The following ZSCAN5A variants were observed in gnomAD, a reference collection of about 807,000 sequenced individuals.
ZSCAN5A encodes the protein zinc finger and SCAN domain-containing protein 5A.
Under a neutral mutation model 23.7 loss-of-function variants are expected in ZSCAN5A, and 12 were observed. The ratio of observed to expected loss-of-function variants is 0.51; its 90% confidence interval spans 0.32 to 0.82. The LOEUF is 0.82. Ranked by LOEUF, ZSCAN5A falls within the 40% of genes least tolerant of loss-of-function variation. The pLI is 0.03. For missense variants in ZSCAN5A, 597 were observed against 617.9 expected (o/e 0.97, Z 0.36); for synonymous variants, 257 against 239.9 (o/e 1.07, Z -0.66).
intron 2 of ZSCAN5A, among the ~76,000 whole-genome samples, chr19:56,358,944 C>T (rs761731271): frequency 3.9e-5 from 6 of 152,128 alleles, no homozygotes; most frequent in Non-Finnish European, 8.8e-5. Flanking sequence ...GGGAAATTTA[C>T]AGCACTAAAT....
chr19:56,277,398 T>A (rs185949290), intron 2 of ZSCAN5A, among the ~76,000 whole-genome samples: 4 of 152,314 alleles, frequency 2.6e-5, no homozygotes, highest in Admixed American at 2.6e-4. Context: ...TGTGTGAGCC[T>A]TGAAAACATT....
intron 2 of ZSCAN5A, among the ~76,000 whole-genome samples, chr19:56,253,644 T>C (rs1428511568): frequency 6.6e-6 from 1 of 152,100 alleles, no homozygotes; most frequent in Non-Finnish European, 1.5e-5. Context: ...GTGAACAGTT[T>C]TGAACGTTGG....
Position 56,266,493 on chromosome 19 carries a change from C to CCTTTTTTTTTTTTTTTTTTTTTTT in ZSCAN5A, c.-127-41321_-127-41320insAAAAAAAAAAAAAAAAAAAAAAAG, listed in dbSNP as rs371491455. 3 of 58,002 alleles carry CCTTTTTTTTTTTTTTTTTTTTTTT rather than the reference C, an allele frequency of 5.2e-5. 1 individual carries two copies. The highest frequency in any genetic ancestry group is 1.3e-4 in the African/African-American group (2 of 15,064). The allele number at this position is 58,002 out of a possible 1,614,324, so 3.6% of individuals were successfully genotyped here. ...GCTTTCTGCTTGGGAGATGCCCCCA[C>CCTTTTTTTTTTTTTTTTTTTTTTT]TTTTTTTTTTTTTTTTTTTTTTGAG... On this transcript the variant is annotated intron_variant, in intron 2 of 5. Transcript: ENST00000683990.
At chr19:56,334,937 G>A (rs1392854685) in intron 2 of ZSCAN5A, among the ~76,000 whole-genome samples, 1 of 152,152 alleles carries the variant, frequency 6.6e-6, no homozygotes, top group African/African-American at 2.4e-5. Context: ...GTTTGAAACT[G>A]GGCTGAGATG....
rs773994248 is a variant in ZSCAN5A at position 56,360,496 on chromosome 19, C to T, written c.-358+2739G>A. On this transcript the variant is annotated intron_variant, in intron 2 of 6. Transcript: ENST00000587340. ...AGTCAATATCATGAAAACAGCCATA[C>T]TGCCCAAAGCAGTTTATAGCTTTAA... Among the ~76,000 whole-genome samples the T allele has an allele frequency of 5.3e-5, 8 of 152,200 alleles. No individual in the cohort carries two copies. The South Asian group carries it at 6.2e-4, about 12-fold the overall frequency.
At chr19:56,257,629 G>A (rs536941612) in intron 2 of ZSCAN5A, among the ~76,000 whole-genome samples, 72 of 139,434 alleles carry the variant, frequency 5.2e-4, no homozygotes, top group Non-Finnish European at 8.5e-4. Flanking sequence ...CACAGGCGCT[G>A]GGGGACTCTG....
chr19:56,293,531 T>C (rs1034815070), intron 2 of ZSCAN5A, among the ~76,000 whole-genome samples: 1 of 152,196 alleles, frequency 6.6e-6, no homozygotes, highest in African/African-American at 2.4e-5. Context: ...GTGTGCACTG[T>C]GGGCGCCGGT....
At chr19:56,321,952 T>C in intron 2 of ZSCAN5A, 1 of 780,816 alleles carries the variant, frequency 1.3e-6, no homozygotes, top group East Asian at 2.4e-5. Context: ...TCTGAAGATA[T>C]CTCACACCAC....
intron 2 of ZSCAN5A, among the ~76,000 whole-genome samples, chr19:56,231,540 C>T (rs1297184788): frequency 1.3e-5 from 2 of 152,214 alleles, no homozygotes; most frequent in Non-Finnish European, 2.9e-5. Flanking sequence ...TCTTTCCCCA[C>T]CTCACGTAAA....
intron 2 of ZSCAN5A, among the ~76,000 whole-genome samples, chr19:56,243,256 C>T (rs957554381): frequency 1.3e-5 from 2 of 152,044 alleles, no homozygotes; most frequent in African/African-American, 4.8e-5. Flanking sequence ...GATGGGGTTC[C>T]TTTTGGGCTG....
At chr19:56,295,451 C>T (rs943162065) in intron 2 of ZSCAN5A, among the ~76,000 whole-genome samples, 6 of 151,896 alleles carry the variant, frequency 4.0e-5, no homozygotes, top group Non-Finnish European at 5.9e-5. Flanking sequence ...AAAAATTAGC[C>T]GGGTGTGGTT....
At chr19:56,324,488 G>C (rs12971469) in intron 2 of ZSCAN5A, among the ~76,000 whole-genome samples, 7,617 of 152,128 alleles carry the variant, frequency 0.05, 379 homozygotes, top group East Asian at 0.26. Flanking sequence ...AAAAATAATG[G>C]ATGCTGGTGA....
At chr19:56,268,282 G>A (rs1359662045) in intron 2 of ZSCAN5A, among the ~76,000 whole-genome samples, 3 of 152,162 alleles carry the variant, frequency 2.0e-5, no homozygotes, top group Non-Finnish European at 2.9e-5. Context: ...AGCTGCAGCC[G>A]AGACCCCTTG....
chr19:56,223,890 A>T (rs1162090330), intron 3 of ZSCAN5A, 56 bp from the exon 4 acceptor site: 23 of 1,493,942 alleles, frequency 1.5e-5, no homozygotes, highest in African/African-American at 2.7e-5. Flanking sequence ...AGTAGCTCTC[A>T]TATTCCCTGG....
intron 2 of ZSCAN5A, among the ~76,000 whole-genome samples, chr19:56,240,650 G>GAAA (rs2035361804): frequency 4.1e-5 from 1 of 24,216 alleles, no homozygotes; most frequent in South Asian, 1.2e-3. Context: ...CCTTGTGAAA[G>GAAA]CATCGGGTCT....
chr19:56,355,041 C>A (rs1488994350), intron 2 of ZSCAN5A, among the ~76,000 whole-genome samples: 2 of 152,110 alleles, frequency 1.3e-5, no homozygotes, highest in African/African-American at 4.8e-5. Context: ...TAAACCAGCA[C>A]CTGAATTTCA....
chr19:56,356,214 A>G (rs902015321), intron 2 of ZSCAN5A, among the ~76,000 whole-genome samples: 1 of 148,490 alleles, frequency 6.7e-6, no homozygotes, highest in Non-Finnish European at 1.5e-5. Flanking sequence ...GCCTTTATTA[A>G]GGTGAGCACC....
At chr19:56,239,398 A>T (rs1222764392) in intron 2 of ZSCAN5A, among the ~76,000 whole-genome samples, 3 of 152,214 alleles carry the variant, frequency 2.0e-5, no homozygotes, top group Non-Finnish European at 1.5e-5. Context: ...TGACTCCATG[A>T]TCCACGCAGT....
intron 2 of ZSCAN5A, among the ~76,000 whole-genome samples, chr19:56,295,466 G>A (rs1284186859): frequency 2.6e-5 from 4 of 152,028 alleles, no homozygotes; most frequent in Admixed American, 2.6e-4. Flanking sequence ...GTGGTTGCGG[G>A]TGCCTGTGCT....
Sources: gnomAD v4.1 joint callset for allele counts (sites outside exome capture counted in the v4.1 genomes callset) on GRCh38, gnomAD v4.1.1 for gene constraint, MANE v1.5 for transcripts, NCBI Gene and HGNC (gene_info 2026-07-23, HGNC 2026-07-21) for gene names.